The following SCHIP1 variants were observed in gnomAD, a reference collection of about 807,000 sequenced individuals.
SCHIP1 encodes schwannomin-interacting protein 1.
A neutral mutation model predicts 29.7 loss-of-function variants in SCHIP1; 8 were observed. That is an observed-to-expected ratio of 0.27 (90% confidence interval 0.16 to 0.49). The LOEUF (loss-of-function observed/expected upper bound fraction) is 0.49, where lower values mean the gene tolerates loss of function less well. Among genes scored for constraint, SCHIP1 ranks in the 20% least tolerant of loss-of-function variants. The pLI is 0.99. For missense variants in SCHIP1, 193 were observed against 294.6 expected, an observed-to-expected ratio of 0.66 and a Z score of 2.52; for synonymous variants, 76 against 94.9, an observed-to-expected ratio of 0.80 and a Z score of 1.16.
chr3:159,704,335 TGA>T, the SCHIP1 span, among the ~76,000 whole-genome samples: 1 of 145,720 alleles, frequency 6.9e-6, no homozygotes, highest in Non-Finnish European at 1.5e-5. Flanking sequence ...CTCGGGAGGC[TGA>T]GTCAGGAGAA....
intron 1 of SCHIP1, among the ~76,000 whole-genome samples, chr3:159,859,183 C>T (rs1713749170): frequency 6.6e-6 from 1 of 152,214 alleles, no homozygotes; most frequent in South Asian, 2.1e-4. Flanking sequence ...ACCTGACATT[C>T]AACAGCATAC....
At chr3:159,587,579 A>C in the SCHIP1 span, among the ~76,000 whole-genome samples, 2 of 151,930 alleles carry the variant, frequency 1.3e-5, no homozygotes, top group Non-Finnish European at 2.9e-5. Flanking sequence ...CTTAACTCAT[A>C]ATTTACATTA....
At chr3:159,737,268 C>T in the SCHIP1 span, among the ~76,000 whole-genome samples, 1 of 152,092 alleles carries the variant, frequency 6.6e-6, no homozygotes, top group African/African-American at 2.4e-5. Context: ...GATGCAGTGG[C>T]TCCCAAACTA....
the SCHIP1 span, among the ~76,000 whole-genome samples, chr3:159,300,716 T>C: frequency 6.6e-6 from 1 of 152,190 alleles, no homozygotes; most frequent in Admixed American, 6.5e-5. Context: ...GTGGAGCCAC[T>C]TTATCTGATA....
chr3:159,759,826 T>C, the SCHIP1 span, among the ~76,000 whole-genome samples: 1 of 152,226 alleles, frequency 6.6e-6, no homozygotes, highest in Non-Finnish European at 1.5e-5. Flanking sequence ...TCGGGGCTAA[T>C]AATATAAGAA....
the SCHIP1 span, chr3:159,401,072 C>T: frequency 4.8e-6 from 2 of 419,564 alleles, no homozygotes; most frequent in African/African-American, 2.2e-5. Context: ...TAAATGAATG[C>T]AAGTGATAAT....
the SCHIP1 span, among the ~76,000 whole-genome samples, chr3:159,594,680 G>C: frequency 1.3e-5 from 2 of 152,276 alleles, no homozygotes; most frequent in African/African-American, 4.8e-5. Context: ...CTTCAGCATA[G>C]AGACAAGCCT....
chr3:159,412,031 G>A, the SCHIP1 span, among the ~76,000 whole-genome samples: 1 of 152,122 alleles, frequency 6.6e-6, no homozygotes, highest in Non-Finnish European at 1.5e-5. Flanking sequence ...TACTTATTTT[G>A]TACCAGGAAT....
the SCHIP1 span, among the ~76,000 whole-genome samples, chr3:159,815,718 C>T: frequency 6.6e-6 from 1 of 152,108 alleles, no homozygotes; most frequent in Non-Finnish European, 1.5e-5. Context: ...CCTTCTATGC[C>T]AGTTCTCTCC....
At chr3:159,386,027 A>G in the SCHIP1 span, among the ~76,000 whole-genome samples, 2 of 152,164 alleles carry the variant, frequency 1.3e-5, no homozygotes, top group African/African-American at 4.8e-5. Flanking sequence ...ACATGAACTC[A>G]TCCTTTTTTA....
chr3:159,782,539 CA>C, the SCHIP1 span, among the ~76,000 whole-genome samples: 2 of 151,388 alleles, frequency 1.3e-5, no homozygotes, highest in Non-Finnish European at 1.5e-5. Context: ...TTTTAATTTG[CA>C]AAAAAAATCA....
chr3:159,533,111 G>A, the SCHIP1 span, among the ~76,000 whole-genome samples: 1 of 152,214 alleles, frequency 6.6e-6, no homozygotes, highest in African/African-American at 2.4e-5. Context: ...TGGCACAGAT[G>A]AGTATGCAAA....
chr3:159,312,198 G>A, the SCHIP1 span, among the ~76,000 whole-genome samples: 74 of 152,232 alleles, frequency 4.9e-4, no homozygotes, highest in Middle Eastern at 3.4e-3. Flanking sequence ...AAGGAATCCC[G>A]TATTAGCTAG....
At chr3:159,413,206 A>T in the SCHIP1 span, among the ~76,000 whole-genome samples, 1 of 152,106 alleles carries the variant, frequency 6.6e-6, no homozygotes, top group Non-Finnish European at 1.5e-5. Flanking sequence ...ATACATGTGG[A>T]TTATTAGAAT....
At chr3:159,873,221 T>C (rs1715458440) in intron 2 of SCHIP1, among the ~76,000 whole-genome samples, 1 of 152,210 alleles carries the variant, frequency 6.6e-6, no homozygotes, top group Non-Finnish European at 1.5e-5. Flanking sequence ...GATTTAAAAT[T>C]AATTGACCAA....
the SCHIP1 span, among the ~76,000 whole-genome samples, chr3:159,731,791 A>G: frequency 9.2e-5 from 14 of 152,210 alleles, no homozygotes; most frequent in Non-Finnish European, 1.9e-4. Context: ...CATTTTTGTA[A>G]GAGAATAAGT....
At chr3:159,654,130 G>A in the SCHIP1 span, among the ~76,000 whole-genome samples, 1,286 of 151,878 alleles carry the variant, frequency 8.5e-3, 7 homozygotes, top group Non-Finnish European at 0.013. Flanking sequence ...CATGCAAATC[G>A]CATAAAGATG....
chr3:159,664,121 AC>A, the SCHIP1 span, among the ~76,000 whole-genome samples: 2 of 152,206 alleles, frequency 1.3e-5, no homozygotes, highest in African/African-American at 2.4e-5. Context: ...TAAGGCATTA[AC>A]TGACGAGGAA....
the SCHIP1 span, among the ~76,000 whole-genome samples, chr3:159,359,434 CTGAG>C: frequency 6.6e-6 from 1 of 151,930 alleles, no homozygotes; most frequent in African/African-American, 2.4e-5. Context: ...CTTTGGATTC[CTGAG>C]TCTTTATTTT....
Sources: gnomAD v4.1 joint callset for allele counts (sites outside exome capture counted in the v4.1 genomes callset) on GRCh38, gnomAD v4.1.1 for gene constraint, MANE v1.5 for transcripts, NCBI Gene and HGNC (gene_info 2026-07-23, HGNC 2026-07-21) for gene names.